EPHA6: variants seen among roughly 807,000 people sequenced by gnomAD.
The protein encoded by EPHA6 is ephrin type-A receptor 6.
A neutral mutation model predicts 112.0 loss-of-function variants in EPHA6; 50 were observed. That is an observed-to-expected ratio of 0.45 (90% CI 0.36 to 0.56). The LOEUF is 0.56. Ranked by LOEUF, EPHA6 falls within the 20% of genes least tolerant of loss-of-function variation. The probability of loss-of-function intolerance (pLI) is 0.00; values close to 1 mark genes in which losing one functional copy is unlikely to be tolerated. For synonymous variants in EPHA6, 529 were observed against 490.7 expected (o/e 1.08, Z -1.03); for missense variants, 1,280 against 1,417.4 (o/e 0.90, Z 1.56).
At chr3:96,827,238 G>A (rs9816293) in intron 1 of EPHA6, among the ~76,000 whole-genome samples, 1 of 152,116 alleles carries the variant, frequency 6.6e-6, no homozygotes, top group African/African-American at 2.4e-5. Context: ...TCTTGAGTGG[G>A]AAAAGCTAGA....
At chr3:97,025,091 G>A (rs147453009) in intron 3 of EPHA6, among the ~76,000 whole-genome samples, 1 of 152,256 alleles carries the variant, frequency 6.6e-6, no homozygotes, top group African/African-American at 2.4e-5. Flanking sequence ...GCCACTCACA[G>A]GGCAAGCTGT....
At chr3:97,350,335 T>A (rs1471850887) in intron 5 of EPHA6, among the ~76,000 whole-genome samples, 1 of 152,090 alleles carries the variant, frequency 6.6e-6, no homozygotes, top group East Asian at 1.9e-4. Context: ...TACAGTTTAA[T>A]TAGCAAAATA....
At position 97,277,565 on chromosome 3, in the gene EPHA6, C is replaced by T. The variant is rs112019527; in HGVS notation, c.1606+33278C>T. 3.1e-3 allele frequency among the ~76,000 whole-genome samples: 471 copies of T among 152,242 alleles called. 3 individuals carry two copies. The highest frequency in any genetic ancestry group is 0.01 in the African/African-American group (430 of 41,538). ...GAGGCCTGACAGATATAGCCTACTCCATATAGGTTATATGGTATAACCTAT... is the reference window on the plus strand; with the variant it reads ...GAGGCCTGACAGATATAGCCTACTCTATATAGGTTATATGGTATAACCTAT... On this transcript the variant is annotated intron_variant, in intron 5 of 17. Transcript: ENST00000389672.
intron 3 of EPHA6, among the ~76,000 whole-genome samples, chr3:97,063,316 G>A (rs2046081260): frequency 6.6e-6 from 1 of 152,100 alleles, no homozygotes; most frequent in African/African-American, 2.4e-5. Context: ...CCCCATCAAT[G>A]ATAGACTGGA....
At chr3:97,712,247 A>T (rs2107767331) in intron 14 of EPHA6, among the ~76,000 whole-genome samples, 1 of 152,248 alleles carries the variant, frequency 6.6e-6, no homozygotes, top group Non-Finnish European at 1.5e-5. Context: ...TACACTGGGG[A>T]GGGTAGGCTG....
In EPHA6 at chr3:97,431,113, T is replaced by C. The variant is rs184569065; in HGVS notation, c.1732-17455T>C. Among the ~76,000 whole-genome samples the C allele has an allele frequency of 3.9e-5, 6 of 152,254 alleles. No homozygotes were observed. The East Asian group carries it at 1.2e-3, about 29-fold the overall frequency. On this transcript the variant is annotated intron_variant, in intron 6 of 17. Coordinates refer to ENST00000389672, the MANE Select transcript of EPHA6 (RefSeq NM_001080448.3). ...TGGTTTTCAATAATGGTTTTAAATTTCTTGGTAATTTTTTACACTATGTGA... is the reference window on the plus strand; with the variant it reads ...TGGTTTTCAATAATGGTTTTAAATTCCTTGGTAATTTTTTACACTATGTGA...
chr3:97,583,618 C>T (rs1187318060), intron 11 of EPHA6, among the ~76,000 whole-genome samples: 1 of 151,700 alleles, frequency 6.6e-6, no homozygotes, highest in African/African-American at 2.4e-5. Context: ...AGCTACAAAA[C>T]TCTGATGAAA....
chr3:96,845,750 A>ATCCAAT (rs2035036607), intron 1 of EPHA6, among the ~76,000 whole-genome samples: 1 of 152,006 alleles, frequency 6.6e-6, no homozygotes, highest in African/African-American at 2.4e-5. Context: ...ATGAAGGGTA[A>ATCCAAT]GATTCCACTG....
intron 3 of EPHA6, among the ~76,000 whole-genome samples, chr3:97,031,829 A>G (rs554268556): frequency 2.0e-4 from 30 of 152,262 alleles, no homozygotes; most frequent in African/African-American, 6.0e-4. Flanking sequence ...AGAAATAGGA[A>G]CACTTTTACA....
chr3:96,923,148 G>A (rs2039861029), intron 2 of EPHA6, among the ~76,000 whole-genome samples: 1 of 152,112 alleles, frequency 6.6e-6, no homozygotes, highest in Admixed American at 6.6e-5. Flanking sequence ...TCCTTTGGGT[G>A]TATACCCAGT....
chr3:97,217,068 C>T (rs1319054241), intron 3 of EPHA6, among the ~76,000 whole-genome samples: 1 of 152,060 alleles, frequency 6.6e-6, no homozygotes, highest in Non-Finnish European at 1.5e-5. Context: ...TACAATTTCC[C>T]CAACTTACTA....
At chr3:97,605,231 T>C (rs1481778932) in intron 12 of EPHA6, among the ~76,000 whole-genome samples, 1 of 151,462 alleles carries the variant, frequency 6.6e-6, no homozygotes, top group African/African-American at 2.4e-5. Flanking sequence ...AAGAAGGCAG[T>C]CTTCCAAAGA....
chr3:97,351,206 G>A (rs2083798006), intron 5 of EPHA6, among the ~76,000 whole-genome samples: 1 of 152,118 alleles, frequency 6.6e-6, no homozygotes, highest in South Asian at 2.1e-4. Flanking sequence ...GAAATGGGCT[G>A]GAAAACCTCA....
intron 3 of EPHA6, among the ~76,000 whole-genome samples, chr3:97,117,129 G>A (rs1451806896): frequency 6.6e-6 from 1 of 151,284 alleles, no homozygotes; most frequent in Non-Finnish European, 1.5e-5. Flanking sequence ...ATGTCTTCTT[G>A]GGAAAAATAT....
chr3:97,006,268 G>A (rs2043875202), intron 3 of EPHA6, among the ~76,000 whole-genome samples: 1 of 152,112 alleles, frequency 6.6e-6, no homozygotes, highest in South Asian at 2.1e-4. Flanking sequence ...TGGTTGGTAG[G>A]CTATTAATTA....
At chr3:96,909,679 C>T (rs2039117777) in intron 2 of EPHA6, among the ~76,000 whole-genome samples, 1 of 151,810 alleles carries the variant, frequency 6.6e-6, no homozygotes. Context: ...AATAGTACAT[C>T]TTATGAGGAA....
chr3:96,998,250 C>T (rs2043496933), intron 3 of EPHA6, among the ~76,000 whole-genome samples: 1 of 151,828 alleles, frequency 6.6e-6, no homozygotes, highest in South Asian at 2.1e-4. Context: ...TGAAATGGCT[C>T]CTTTTCATGT....
intron 2 of EPHA6, among the ~76,000 whole-genome samples, chr3:96,919,074 G>A (rs750791875): frequency 5.3e-5 from 8 of 151,814 alleles, no homozygotes; most frequent in Non-Finnish European, 8.9e-5. Context: ...AAAATCAAAT[G>A]TTACTCCTTA....
intron 5 of EPHA6, among the ~76,000 whole-genome samples, chr3:97,361,747 C>T (rs2084385092): frequency 1.3e-5 from 2 of 152,170 alleles, no homozygotes; most frequent in South Asian, 2.1e-4. Context: ...GGATTAATCC[C>T]TTCATGAGGA....
Sources: gnomAD v4.1 joint callset for allele counts (sites outside exome capture counted in the v4.1 genomes callset) on GRCh38, gnomAD v4.1.1 for gene constraint, MANE v1.5 for transcripts, NCBI Gene and HGNC (gene_info 2026-07-23, HGNC 2026-07-21) for gene names.